Variants in ZMIZ1 observed in about 807,000 individuals in gnomAD.
ZMIZ1 encodes zinc finger MIZ-type containing 1, also known as zinc finger MIZ domain-containing protein 1.
Under a neutral mutation model 113.9 loss-of-function variants are expected in ZMIZ1, and 17 were observed. The ratio of observed to expected loss-of-function variants is 0.15; its 90% CI spans 0.10 to 0.22. The LOEUF (loss-of-function observed/expected upper bound fraction) is 0.22, where lower values mean the gene tolerates loss of function less well. ZMIZ1 is among the 10% of genes least tolerant of loss of function. ZMIZ1 has a pLI of 1.00. For synonymous variants in ZMIZ1, 607 were observed against 603.1 expected (o/e 1.01, Z -0.09); for missense variants, 1,059 against 1,477.8 (o/e 0.72, Z 4.65).
intron 5 of ZMIZ1, among the ~76,000 whole-genome samples, chr10:79,202,901 G>A (rs1331840163): frequency 6.6e-6 from 1 of 152,224 alleles, no homozygotes; most frequent in African/African-American, 2.4e-5. Context: ...TCTCAAGCTA[G>A]TCCTCCATTT....
chr10:79,292,044 G>A lies in ZMIZ1; in HGVS notation c.759-114G>A, dbSNP rs72818259. On this transcript the variant is annotated intron_variant, in intron 10 of 24. Coordinates refer to ENST00000334512, the MANE Select transcript of ZMIZ1 (RefSeq NM_020338.4). ...ATGGCTGCCAATCCCAAGAGGCCCC[G>A]TCCCCTCTAGGTTCTGGGTACAGCT... The A allele has an allele frequency of 6.0e-3, 6,306 of 1,051,584 alleles. 31 individuals carry two copies. Among genetic ancestry groups the A allele is most frequent in the Non-Finnish European group, 7.9e-3 (5,634 of 709,044 alleles). 65.1% of individuals were successfully genotyped at this position (1,051,584 alleles called of 1,614,324 possible).
chr10:79,168,444 A>T (rs2132521856), intron 4 of ZMIZ1, among the ~76,000 whole-genome samples: 1 of 151,662 alleles, frequency 6.6e-6, no homozygotes, highest in South Asian at 2.1e-4. Context: ...TCCCCACTAG[A>T]CTGTATACTC....
chr10:79,189,459 C>T (rs565235091), intron 4 of ZMIZ1, among the ~76,000 whole-genome samples: 1 of 152,330 alleles, frequency 6.6e-6, no homozygotes, highest in African/African-American at 2.4e-5. Context: ...TTCCTAGTCA[C>T]TAACCCAGTG....
chr10:79,100,845 C>T (rs1034324771), intron 1 of ZMIZ1, among the ~76,000 whole-genome samples: 3 of 152,244 alleles, frequency 2.0e-5, no homozygotes, highest in Non-Finnish European at 2.9e-5. Flanking sequence ...TTCCAAGTGC[C>T]GTGAGGGTGC....
intron 4 of ZMIZ1, 95 bp downstream of exon 4, chr10:79,162,228 A>C (rs1010352801): frequency 2.5e-6 from 1 of 397,606 alleles, no homozygotes; most frequent in African/African-American, 2.1e-5. Flanking sequence ...TGGACCTTTG[A>C]CTCGGGCCTC....
At chr10:79,218,228 C>G (rs1335928418) in intron 7 of ZMIZ1, among the ~76,000 whole-genome samples, 13 of 152,178 alleles carry the variant, frequency 8.5e-5, no homozygotes, top group Non-Finnish European at 1.9e-4. Flanking sequence ...AATCCCAGCA[C>G]TTTGGGAGGC....
At chr10:79,298,013 G>T (rs1423197513) in intron 14 of ZMIZ1, among the ~76,000 whole-genome samples, 10 of 152,180 alleles carry the variant, frequency 6.6e-5, no homozygotes, top group Non-Finnish European at 1.5e-4. Flanking sequence ...AGAGGGTGTG[G>T]CCTTGAGTCG....
chr10:79,199,940 AAGGCAGAC>A (rs906452516), intron 4 of ZMIZ1, among the ~76,000 whole-genome samples: 5 of 152,214 alleles, frequency 3.3e-5, no homozygotes, highest in South Asian at 2.1e-4. Flanking sequence ...GCGTGTGTAG[AAGGCAGAC>A]AGGCAGACAG....
At chr10:79,078,710 A>G (rs1054108962) in intron 1 of ZMIZ1, among the ~76,000 whole-genome samples, 1 of 85,156 alleles carries the variant, frequency 1.2e-5, no homozygotes, top group Admixed American at 1.1e-4. Flanking sequence ...ATGCCCAGCT[A>G]ATTTTTGTAT....
chr10:79,082,785 G>A (rs1199296056), intron 1 of ZMIZ1, among the ~76,000 whole-genome samples: 1 of 152,220 alleles, frequency 6.6e-6, no homozygotes, highest in East Asian at 1.9e-4. Context: ...CCTCTGCCAG[G>A]CCCTGCGTCA....
At chr10:79,070,885 C>T (rs948444002) in intron 1 of ZMIZ1, among the ~76,000 whole-genome samples, 11 of 151,958 alleles carry the variant, frequency 7.2e-5, no homozygotes, top group Non-Finnish European at 1.0e-4. Flanking sequence ...CGCGCTCTCC[C>T]CCTTCTCCTC....
chr10:79,084,686 C>T (rs1842755038), intron 1 of ZMIZ1, among the ~76,000 whole-genome samples: 1 of 152,198 alleles, frequency 6.6e-6, no homozygotes, highest in Admixed American at 6.5e-5. Context: ...ACAGGCAGGT[C>T]CTTTGCCCTC....
chr10:79,101,135 C>T (rs1178344438), intron 1 of ZMIZ1, among the ~76,000 whole-genome samples: 1 of 152,106 alleles, frequency 6.6e-6, no homozygotes, highest in Non-Finnish European at 1.5e-5. Flanking sequence ...AAGCTCTCCC[C>T]TTGATGAGTA....
rs190933099 is a variant in ZMIZ1, at chr10:79,314,627, G to A, written c.*1878G>A. 1 of 210,112 alleles carries A rather than the reference G, an allele frequency of 4.8e-6. No individual in the cohort carries two copies. The highest frequency in any genetic ancestry group is 5.5e-5 in the Admixed American group (1 of 18,230). The allele number at this position is 210,112 out of a possible 1,614,324, so 13.0% of individuals were successfully genotyped here. A position where few individuals can be genotyped will look rare whatever the true frequency, so the allele number is the denominator to read the frequency against. ...TCAACATTTTCATGACCTGGTTATAGCCTTTGCTGGTGTTTTTAAAATACC... is the reference window on the plus strand; with the variant it reads ...TCAACATTTTCATGACCTGGTTATAACCTTTGCTGGTGTTTTTAAAATACC... On this transcript the variant is annotated 3_prime_UTR_variant, in exon 25 of 25. Coordinates refer to ENST00000334512, the MANE Select transcript of ZMIZ1 (RefSeq NM_020338.4).
chr10:79,182,194 T>A (rs1028031480), intron 4 of ZMIZ1, among the ~76,000 whole-genome samples: 3 of 152,202 alleles, frequency 2.0e-5, no homozygotes, highest in African/African-American at 7.2e-5. Flanking sequence ...GCTCATGCAA[T>A]TTAATCCGCC....
intron 4 of ZMIZ1, among the ~76,000 whole-genome samples, chr10:79,178,553 G>A (rs553102182): frequency 6.6e-6 from 1 of 152,320 alleles, no homozygotes; most frequent in Admixed American, 6.5e-5. Context: ...AGCCCCTTCT[G>A]CCCTGGTGAC....
chr10:79,289,155 G>GA (rs2132021514), intron 8 of ZMIZ1, among the ~76,000 whole-genome samples: 1 of 152,232 alleles, frequency 6.6e-6, no homozygotes, highest in East Asian at 1.9e-4. Flanking sequence ...TTAGCTTGGG[G>GA]AAAATGTACA....
intron 3 of ZMIZ1, among the ~76,000 whole-genome samples, chr10:79,159,962 G>A (rs1846043253): frequency 6.6e-6 from 1 of 152,244 alleles, no homozygotes; most frequent in African/African-American, 2.4e-5. Context: ...GTTTCTCCGG[G>A]CCTGGCCGAT....
At chr10:79,106,605 G>A (rs747304352) in intron 1 of ZMIZ1, among the ~76,000 whole-genome samples, 4 of 152,366 alleles carry the variant, frequency 2.6e-5, no homozygotes, top group Admixed American at 6.5e-5. Flanking sequence ...CTCCTTGGCC[G>A]GTCTTTGCCC....
Sources: gnomAD v4.1 joint callset for allele counts (sites outside exome capture counted in the v4.1 genomes callset) on GRCh38, gnomAD v4.1.1 for gene constraint, MANE v1.5 for transcripts, NCBI Gene and HGNC (gene_info 2026-07-23, HGNC 2026-07-21) for gene names.